The following NLGN1 variants were observed in gnomAD, a reference collection of about 807,000 sequenced individuals.
The protein encoded by NLGN1 is neuroligin-1.
A neutral mutation model predicts 65.5 loss-of-function variants in NLGN1; 12 were observed. The observed-to-expected ratio is 0.18, with a 90% CI of 0.12 to 0.30. The LOEUF (loss-of-function observed/expected upper bound fraction) is 0.30. NLGN1 is among the 10% of genes least tolerant of loss of function. NLGN1 has a pLI of 1.00. For missense variants in NLGN1, 750 were observed against 1,007.1 expected (o/e 0.74, Z 3.46); for synonymous variants, 350 against 359.5 (o/e 0.97, Z 0.30).
rs111359392 is a variant in NLGN1 at position 173,724,964 on chromosome 3, T to C, written c.494-82716T>C. 9.1e-3 allele frequency among the ~76,000 whole-genome samples: 1,374 copies of C among 151,072 alleles called. 28 individuals are homozygous for C. The highest frequency in any genetic ancestry group is 0.032 in the African/African-American group (1,296 of 41,076). ...ACCAAACACTGCATGTTCTCACTCA[T>C]AGGTGGGAATTGAACAATGAGAACA... On this transcript the variant is annotated intron_variant, in intron 3 of 6. Transcript: ENST00000457714.
chr3:173,770,572 G>A (rs764319861), intron 3 of NLGN1, among the ~76,000 whole-genome samples: 1 of 152,090 alleles, frequency 6.6e-6, no homozygotes, highest in East Asian at 1.9e-4. Context: ...GTTCAGTGCT[G>A]CTCCTCATGG....
intron 4 of NLGN1, among the ~76,000 whole-genome samples, chr3:174,130,842 C>T (rs1234281868): frequency 6.6e-6 from 1 of 152,084 alleles, no homozygotes; most frequent in East Asian, 1.9e-4. Flanking sequence ...AAGTTAAGAG[C>T]ATGTAGATCA....
At chr3:173,956,724 A>AATAG (rs1305555312) in intron 4 of NLGN1, among the ~76,000 whole-genome samples, 24 of 152,170 alleles carry the variant, frequency 1.6e-4, no homozygotes, top group Admixed American at 3.9e-4. Context: ...TGTCAGTGTA[A>AATAG]ACGTTCTAAA....
intron 3 of NLGN1, among the ~76,000 whole-genome samples, chr3:173,608,073 A>C (rs1751666930): frequency 6.6e-6 from 1 of 151,872 alleles, no homozygotes; most frequent in Non-Finnish European, 1.5e-5. Context: ...AACTTTACAA[A>C]GAGCAAAGTA....
intron 4 of NLGN1, among the ~76,000 whole-genome samples, chr3:173,855,279 G>C (rs1727745924): frequency 6.6e-6 from 1 of 152,024 alleles, no homozygotes; most frequent in Non-Finnish European, 1.5e-5. Flanking sequence ...TACAATTAAA[G>C]TGAAAATATT....
At chr3:174,136,537 C>T (rs1366729527) in intron 4 of NLGN1, 1 of 151,974 alleles carries the variant, frequency 6.6e-6, no homozygotes, top group Non-Finnish European at 1.5e-5. Context: ...TAGCACAGAC[C>T]ACCTGATTAC....
At chr3:173,571,178 C>A (rs905207886) in intron 2 of NLGN1, among the ~76,000 whole-genome samples, 2 of 152,154 alleles carry the variant, frequency 1.3e-5, no homozygotes, top group African/African-American at 4.8e-5. Context: ...GGTTGGCAGA[C>A]CTCTGTGTGG....
At chr3:174,017,266 T>C (rs751041074) in intron 4 of NLGN1, among the ~76,000 whole-genome samples, 2 of 152,226 alleles carry the variant, frequency 1.3e-5, no homozygotes, top group African/African-American at 2.4e-5. Flanking sequence ...CAGAACTCTT[T>C]ATTCTTCATT....
chr3:174,179,260 T>G (rs757785757), intron 4 of NLGN1, among the ~76,000 whole-genome samples: 7 of 152,072 alleles, frequency 4.6e-5, no homozygotes, highest in Non-Finnish European at 7.4e-5. Context: ...TTATCTTGAT[T>G]TAAAAAAAAT....
intron 4 of NLGN1, among the ~76,000 whole-genome samples, chr3:173,827,629 A>ATGTGTGTGTGTGTGTGTGTGTG (rs59670610): frequency 5.4e-5 from 8 of 146,884 alleles, no homozygotes; most frequent in African/African-American, 2.0e-4. Flanking sequence ...TATTTATGAT[A>ATGTGTGTGTGTGTGTGTGTGTG]TGTGTGTGTG....
At chr3:174,195,343 T>C (rs1266917353) in intron 4 of NLGN1, among the ~76,000 whole-genome samples, 1 of 152,234 alleles carries the variant, frequency 6.6e-6, no homozygotes, top group Non-Finnish European at 1.5e-5. Flanking sequence ...TGTTTGATGA[T>C]ATTTCAGAGG....
chr3:173,821,831 TTAAA>T (rs1218159294), intron 4 of NLGN1, among the ~76,000 whole-genome samples: 1 of 152,182 alleles, frequency 6.6e-6, no homozygotes, highest in African/African-American at 2.4e-5. Context: ...AGGAAAGTAA[TTAAA>T]TAAATAATTC....
At chr3:174,204,152 C>A (rs904936562) in intron 4 of NLGN1, among the ~76,000 whole-genome samples, 1 of 152,140 alleles carries the variant, frequency 6.6e-6, no homozygotes, top group South Asian at 2.1e-4. Context: ...TCTTTTGGAG[C>A]AGTAGGGCTT....
chr3:173,532,578 T>C (rs1422338385), intron 2 of NLGN1, among the ~76,000 whole-genome samples: 1 of 152,218 alleles, frequency 6.6e-6, no homozygotes, highest in African/African-American at 2.4e-5. Flanking sequence ...GGAGATACTA[T>C]AAATTGTCTG....
chr3:173,416,343 G>T (rs73047923), intron 1 of NLGN1, among the ~76,000 whole-genome samples: 13,477 of 152,178 alleles, frequency 0.089, 727 homozygotes, highest in African/African-American at 0.15. Context: ...TAATGAGATA[G>T]TATATGCAGA....
chr3:173,823,079 C>T (rs968389588), intron 4 of NLGN1, among the ~76,000 whole-genome samples: 2 of 152,090 alleles, frequency 1.3e-5, no homozygotes, highest in Admixed American at 1.3e-4. Flanking sequence ...GCATCAAGAT[C>T]AACAAATCCC....
Position 174,067,651 on chromosome 3 carries a change from C to T in NLGN1, c.647-207664C>T, listed in dbSNP as rs78770241. On this transcript the variant is annotated intron_variant, in intron 4 of 6. Transcript: ENST00000457714. ...GGATGTTCCACTGGAGGAATTTCATCGGACAAAGTTTTCACAAATCTGTGC... is the reference window on the plus strand; with the variant it reads ...GGATGTTCCACTGGAGGAATTTCATTGGACAAAGTTTTCACAAATCTGTGC... Among the ~76,000 whole-genome samples the T allele has an allele frequency of 6.6e-5, 10 of 152,216 alleles. No homozygotes were observed. In the South Asian group the frequency reaches 8.3e-4, roughly 13 times the overall value.
At chr3:174,131,230 T>G (rs1486081731) in intron 4 of NLGN1, among the ~76,000 whole-genome samples, 1 of 152,200 alleles carries the variant, frequency 6.6e-6, no homozygotes, top group East Asian at 1.9e-4. Context: ...ATAGCAATAA[T>G]AAGTAACATA....
At chr3:173,404,728 A>C (rs1017007444) in intron 1 of NLGN1, among the ~76,000 whole-genome samples, 2 of 152,266 alleles carry the variant, frequency 1.3e-5, no homozygotes, top group East Asian at 3.9e-4. Context: ...TTTATTTCAC[A>C]AATCCATTGT....
Sources: allele counts gnomAD v4.1 joint callset (sites outside exome capture counted in the v4.1 genomes callset), GRCh38; gene constraint gnomAD v4.1.1; transcripts MANE v1.5; gene names NCBI Gene and HGNC (gene_info 2026-07-23, HGNC 2026-07-21).